Variants in FNDC1 observed in about 807,000 individuals in gnomAD.
FNDC1 encodes fibronectin type III domain-containing protein 1.
FNDC1 carries 96 observed loss-of-function variants against 168.0 expected under a neutral mutation model. That is an observed-to-expected ratio of 0.57 (90% CI 0.48 to 0.68). FNDC1 has a LOEUF of 0.68. FNDC1 is among the 30% of genes least tolerant of loss of function. The pLI is 0.00. For missense variants in FNDC1, 2,587 were observed against 2,482.1 expected (o/e 1.04, Z -0.90); for synonymous variants, 1,099 against 1,025.9 (o/e 1.07, Z -1.36).
chr6:159,234,579 TC>T, intron 11 of FNDC1, 100 bp downstream of exon 11: 2 of 1,077,548 alleles, frequency 1.9e-6, no homozygotes, highest in Non-Finnish European at 2.7e-6. Flanking sequence ...ACCTACTATG[TC>T]CACGCACCGT....
At chr6:159,263,634 C>A (rs1028696478) in intron 19 of FNDC1, among the ~76,000 whole-genome samples, 3 of 151,848 alleles carry the variant, frequency 2.0e-5, no homozygotes, top group Non-Finnish European at 4.4e-5. Flanking sequence ...TGGTGGCGGG[C>A]GCCTGTAGTC....
rs754389569 is a variant in FNDC1, at chr6:159,232,476, G to T, written c.1964G>T (p.Gly655Val). The T allele has an allele frequency of 6.2e-7, 1 of 1,612,284 alleles. No homozygotes were observed. Among genetic ancestry groups the T allele is most frequent in the Admixed American group, 1.7e-5 (1 of 59,900 alleles). ...TCAGACGAAGATGAGCGCGCTGTGG[G>T]CTCCCTCCACCCCAAGGGCGCCTTC... ...VDSDEDERAV[G>V]SLHPKGAFAQ... is the part of the protein sequence containing the mutation. The change falls in exon 11 of 23, where the codon GGC becomes GTC. Residue 655 changes from glycine (G) to valine (V), a missense_variant. Transcript: ENST00000297267. This position sits in a 1 kb window ranked among gnomAD's most constrained non-coding sequence, Gnocchi z 4.9.
At chr6:159,206,209 C>T (rs969375323) in intron 4 of FNDC1, among the ~76,000 whole-genome samples, 2 of 152,258 alleles carry the variant, frequency 1.3e-5, no homozygotes, top group African/African-American at 2.4e-5. Context: ...TTAACATGTA[C>T]CCCAATTCAA....
At chr6:159,257,280 G>A (rs988040456) in intron 18 of FNDC1, among the ~76,000 whole-genome samples, 4 of 152,200 alleles carry the variant, frequency 2.6e-5, no homozygotes, top group African/African-American at 9.7e-5. Flanking sequence ...GCATGGGAAA[G>A]CACCAAGCAC....
chr6:159,234,020 A>G lies in FNDC1; in HGVS notation c.3508A>G (p.Lys1170Glu). 2 of 1,610,284 alleles carry G rather than the reference A, an allele frequency of 1.2e-6. No homozygotes were observed. ...TCCTTCCAAGCGGCCCCTGTCCTCC[A>G]AGTCCCAGCAGTCGGTCTCAGCCGA... is the stretch of plus-strand genomic sequence containing the variant. ...EPPSKRPLSS[K>E]SQQSVSAEDD... is the part of the protein sequence containing the mutation. The change falls in exon 11 of 23, where the codon AAG (lysine) becomes GAG (glutamate). Residue 1170 changes from lysine (K) to glutamate (E), a missense_variant. Physicochemically the swap from Lys to Glu is moderately conservative, Grantham distance 56. Coordinates refer to ENST00000297267, the MANE Select transcript of FNDC1 (RefSeq NM_032532.3).
intron 4 of FNDC1, among the ~76,000 whole-genome samples, chr6:159,212,253 T>C (rs949908559): frequency 6.6e-6 from 1 of 152,258 alleles, no homozygotes; most frequent in Non-Finnish European, 1.5e-5. Context: ...TCAGCGCTGG[T>C]GGATGCAAGC....
chr6:159,211,568 T>C (rs1034670226), intron 4 of FNDC1, among the ~76,000 whole-genome samples: 1 of 147,090 alleles, frequency 6.8e-6, no homozygotes, highest in African/African-American at 2.5e-5. Flanking sequence ...CTTTGAAACA[T>C]TTTTTTTTTT....
At chr6:159,210,899 C>T (rs1328794431) in intron 4 of FNDC1, among the ~76,000 whole-genome samples, 1 of 152,196 alleles carries the variant, frequency 6.6e-6, no homozygotes, top group Non-Finnish European at 1.5e-5. Context: ...GGCTTCTCAC[C>T]TCTTCCTTAT....
In FNDC1 at chr6:159,233,649, AG is replaced by A; in HGVS notation, c.3140del (p.Gly1047AlafsTer194). On this transcript the variant is annotated frameshift_variant, in exon 11 of 23. Transcript: ENST00000297267. LOFTEE classifies it high-confidence loss of function. The surrounding 1 kb of genome is among the most constrained non-coding windows in gnomAD (Gnocchi z 4.6). ...TQAGRPRPTS[Q>X]GRSHSSSDPY... ...GCCGGGCGGCCCCGCCCCACGTCGC[AG>A]GGCCGCTCCCACTCCTCCTCGGACC... 4 of 1,553,240 alleles carry A rather than the reference AG, an allele frequency of 2.6e-6. No individual in the cohort carries two copies. The highest frequency in any genetic ancestry group is 3.5e-6 in the Non-Finnish European group (4 of 1,150,668).
intron 4 of FNDC1, among the ~76,000 whole-genome samples, chr6:159,202,940 T>C (rs1782409055): frequency 6.6e-6 from 1 of 152,230 alleles, no homozygotes; most frequent in Non-Finnish European, 1.5e-5. Context: ...CTCTTGATTA[T>C]TGGGTCTAGA....
intron 4 of FNDC1, 84 bp downstream of exon 4, chr6:159,200,665 T>A: frequency 9.1e-7 from 1 of 1,098,728 alleles, no homozygotes; most frequent in South Asian, 1.5e-5. Context: ...CACACACATG[T>A]GCTCACAAAC....
chr6:159,195,573 G>A (rs1782225571), intron 1 of FNDC1, among the ~76,000 whole-genome samples: 1 of 152,224 alleles, frequency 6.6e-6, no homozygotes, highest in Non-Finnish European at 1.5e-5. Flanking sequence ...GCAAAGCCAT[G>A]TTTGTAGTTG....
rs115065590 is a variant in FNDC1, at chr6:159,257,874, C to T, written c.5174+1243C>T. Among the ~76,000 whole-genome samples the T allele has an allele frequency of 5.5e-3, 822 of 149,646 alleles. 9 individuals carry two copies. The highest frequency in any genetic ancestry group is 0.019 in the African/African-American group (779 of 40,832). The stretch of plus-strand genomic sequence containing the variant: ...TTTTAATCAATTAGAGAAAACAAAA[C>T]CAACAAAATTAGAGAAAATGGAGTC... On this transcript the variant is annotated intron_variant, in intron 18 of 22. Coordinates refer to ENST00000297267, the MANE Select transcript of FNDC1 (RefSeq NM_032532.3).
intron 4 of FNDC1, among the ~76,000 whole-genome samples, chr6:159,210,291 C>G (rs970701588): frequency 6.6e-6 from 1 of 152,186 alleles, no homozygotes; most frequent in African/African-American, 2.4e-5. Flanking sequence ...ACGGAGAGAG[C>G]TAGGGCTACC....
In FNDC1 at chr6:159,271,556, G is replaced by A; in HGVS notation, c.*114G>A. 2 of 739,740 alleles carry A rather than the reference G, an allele frequency of 2.7e-6. No homozygotes were observed. Among genetic ancestry groups the A allele is most frequent in the Non-Finnish European group, 2.4e-6 (1 of 423,176 alleles). The allele number at this position is 739,740 out of a possible 1,614,324, so 45.8% of individuals were successfully genotyped here. The stretch of plus-strand genomic sequence containing the variant: ...TCAGCCCCGCTGCCCTAGGTGCCAG[G>A]AAGGTCATAGATGGACACTGGCCAT... On this transcript the variant is annotated 3_prime_UTR_variant, in exon 23 of 23. Transcript: ENST00000297267.
At chr6:159,199,205 G>A (rs1443566592) in intron 2 of FNDC1, among the ~76,000 whole-genome samples, 1 of 152,152 alleles carries the variant, frequency 6.6e-6, no homozygotes, top group African/African-American at 2.4e-5. Flanking sequence ...AGGAAACCTA[G>A]TACTTAGTAG....
chr6:159,205,400 T>C (rs1782465412), intron 4 of FNDC1, among the ~76,000 whole-genome samples: 1 of 152,190 alleles, frequency 6.6e-6, no homozygotes, highest in South Asian at 2.1e-4. Context: ...ATGACTGATG[T>C]GGAAGTTGAA....
chr6:159,220,069 C>T (rs1012217501), intron 5 of FNDC1, among the ~76,000 whole-genome samples: 4 of 152,108 alleles, frequency 2.6e-5, no homozygotes, highest in African/African-American at 9.7e-5. Flanking sequence ...AGGTGAGTGC[C>T]GAGTGCCTCC....
chr6:159,269,593 GTCTGTCTATCTATCTA>G (rs1201039057), intron 22 of FNDC1, among the ~76,000 whole-genome samples: 2,074 of 122,080 alleles, frequency 0.017, 48 homozygotes, highest in African/African-American at 0.051. Context: ...CTGTCTGTCT[GTCTGTCTATCTATCTA>G]TCTATCTATC....
Sources: gnomAD v4.1 joint callset for allele counts (sites outside exome capture counted in the v4.1 genomes callset) on GRCh38, gnomAD v4.1.1 for gene constraint, Gnocchi (gnomAD v3.1) non-coding constraint, MANE v1.5 for transcripts, NCBI Gene and HGNC (gene_info 2026-07-23, HGNC 2026-07-21) for gene names.